Variants in NBEA observed in about 807,000 individuals in gnomAD.
The protein encoded by NBEA is neurobeachin, also known as lysosomal-trafficking regulator 2.
A neutral mutation model predicts 343.4 loss-of-function variants in NBEA; 44 were observed. The ratio of observed to expected loss-of-function variants is 0.13; its 90% CI spans 0.10 to 0.16. The LOEUF is 0.16. NBEA is among the 10% of genes least tolerant of loss of function. NBEA has a pLI of 1.00. For missense variants in NBEA, 2,555 were observed against 3,631.3 expected (o/e 0.70, Z 7.62); for synonymous variants, 1,175 against 1,238.7 (o/e 0.95, Z 1.08).
intron 55 of NBEA, among the ~76,000 whole-genome samples, chr13:35,659,207 T>C (rs1461904177): frequency 6.6e-6 from 1 of 152,200 alleles, no homozygotes; most frequent in East Asian, 1.9e-4. Flanking sequence ...AGTCCTGGCA[T>C]GTAACATAAT....
At chr13:35,235,555 T>A (rs2075186019) in intron 34 of NBEA, among the ~76,000 whole-genome samples, 1 of 152,220 alleles carries the variant, frequency 6.6e-6, no homozygotes, top group African/African-American at 2.4e-5. Context: ...GCAAGTTTTC[T>A]AGCCGCCAGA....
rs536362519 is a variant in NBEA at position 35,093,621 on chromosome 13, A to G, written c.1572-4676A>G. Among the ~76,000 whole-genome samples, 17 of 152,124 alleles carry G rather than the reference A, an allele frequency of 1.1e-4. No homozygotes were observed. The South Asian group carries it at 3.3e-3, about 30-fold the overall frequency. On this transcript the variant is annotated intron_variant, in intron 10 of 58. Transcript: ENST00000379939. ...TTTTGACCTTGAAGGGCATTAGAGT[A>G]TGCATAAATAGTTAAGATCATCCAT...
chr13:35,585,030 GGCA>G (rs1566364883), intron 46 of NBEA, among the ~76,000 whole-genome samples: 1 of 146,990 alleles, frequency 6.8e-6, no homozygotes, highest in African/African-American at 2.5e-5. Context: ...TTTCTTCTTG[GGCA>G]GCATGTTTTA....
At chr13:35,060,422 C>T (rs1459393112) in intron 8 of NBEA, among the ~76,000 whole-genome samples, 3 of 151,750 alleles carry the variant, frequency 2.0e-5, no homozygotes, top group Non-Finnish European at 4.4e-5. Flanking sequence ...TGATAATGAG[C>T]AGTAACCCTG....
chr13:35,319,170 G>C (rs1396335701), intron 36 of NBEA, among the ~76,000 whole-genome samples: 1 of 151,948 alleles, frequency 6.6e-6, no homozygotes, highest in African/African-American at 2.4e-5. Context: ...TGCTTCTTTA[G>C]TTCTTTCAAT....
intron 38 of NBEA, among the ~76,000 whole-genome samples, chr13:35,357,134 A>G (rs2040534654): frequency 6.6e-6 from 1 of 151,972 alleles, no homozygotes; most frequent in Non-Finnish European, 1.5e-5. Context: ...ATTTCCATAC[A>G]CATGTATCAT....
chr13:35,101,335 T>C (rs2065637831), intron 11 of NBEA, among the ~76,000 whole-genome samples: 1 of 151,978 alleles, frequency 6.6e-6, no homozygotes, highest in African/African-American at 2.4e-5. Flanking sequence ...TTCCACATCC[T>C]TACCAACTCT....
intron 10 of NBEA, among the ~76,000 whole-genome samples, chr13:35,074,590 A>G (rs2064029738): frequency 6.6e-6 from 1 of 152,132 alleles, no homozygotes; most frequent in Non-Finnish European, 1.5e-5. Context: ...CCTGTTTTAT[A>G]CTGTCCGATG....
intron 38 of NBEA, among the ~76,000 whole-genome samples, chr13:35,383,924 G>A (rs1040501033): frequency 1.3e-5 from 2 of 151,964 alleles, no homozygotes; most frequent in African/African-American, 4.8e-5. Flanking sequence ...TTTCTTCTAT[G>A]TTTGGCATAG....
chr13:34,996,722 C>T (rs1311670761), intron 1 of NBEA, among the ~76,000 whole-genome samples: 1 of 151,762 alleles, frequency 6.6e-6, no homozygotes, highest in African/African-American at 2.4e-5. Flanking sequence ...ATGAGTTGTA[C>T]ATTACCAGAT....
At chr13:35,410,394 T>C (rs946439471) in intron 38 of NBEA, among the ~76,000 whole-genome samples, 2 of 152,236 alleles carry the variant, frequency 1.3e-5, no homozygotes, top group African/African-American at 2.4e-5. Context: ...TAAATTGATA[T>C]AATAACCAGA....
intron 10 of NBEA, 118 bp downstream of exon 10, chr13:35,070,970 T>TA: frequency 8.4e-7 from 1 of 1,193,770 alleles, no homozygotes. Context: ...TAAAGTGTAA[T>TA]AAAAAATTTT....
At chr13:35,413,085 A>G (rs1566094320) in intron 38 of NBEA, among the ~76,000 whole-genome samples, 1 of 152,180 alleles carries the variant, frequency 6.6e-6, no homozygotes, top group Non-Finnish European at 1.5e-5. Context: ...TACTAATTAT[A>G]TACTAGCTCT....
At chr13:35,082,066 A>G (rs2152606258) in intron 10 of NBEA, among the ~76,000 whole-genome samples, 1 of 151,510 alleles carries the variant, frequency 6.6e-6, no homozygotes, top group Non-Finnish European at 1.5e-5. Context: ...ATCCCTCCCC[A>G]CTTCCCCACC....
At chr13:35,583,419 A>G (rs574065490) in intron 45 of NBEA, among the ~76,000 whole-genome samples, 1 of 152,334 alleles carries the variant, frequency 6.6e-6, no homozygotes, top group Admixed American at 6.5e-5. Context: ...TGAGACTAAC[A>G]TTCTATCAGG....
intron 1 of NBEA, among the ~76,000 whole-genome samples, chr13:34,949,749 T>C (rs936250734): frequency 1.3e-5 from 2 of 152,180 alleles, no homozygotes. Flanking sequence ...GTTAAATTCA[T>C]TATATAGCTA....
intron 35 of NBEA, among the ~76,000 whole-genome samples, chr13:35,302,295 C>T (rs1292277360): frequency 6.6e-6 from 1 of 151,844 alleles, no homozygotes; most frequent in Non-Finnish European, 1.5e-5. Context: ...TATCTCATAC[C>T]CCAAATTGAA....
At chr13:35,408,296 G>A (rs2043387423) in intron 38 of NBEA, among the ~76,000 whole-genome samples, 1 of 152,062 alleles carries the variant, frequency 6.6e-6, no homozygotes, top group East Asian at 1.9e-4. Context: ...GCTAAGATAA[G>A]TGGCTAGCCA....
intron 10 of NBEA, among the ~76,000 whole-genome samples, chr13:35,093,297 A>C (rs973792523): frequency 4.0e-5 from 5 of 125,616 alleles, no homozygotes; most frequent in Admixed American, 2.8e-4. Flanking sequence ...TCTATTTAAC[A>C]TTCTCAAACT....
Sources: allele counts gnomAD v4.1 joint callset (sites outside exome capture counted in the v4.1 genomes callset), GRCh38; gene constraint gnomAD v4.1.1; transcripts MANE v1.5; gene names NCBI Gene and HGNC (gene_info 2026-07-23, HGNC 2026-07-21).